SGCZ: variants seen among roughly 807,000 people sequenced by gnomAD.
SGCZ encodes sarcoglycan zeta.
A neutral mutation model predicts 41.3 loss-of-function variants in SGCZ; 40 were observed. The observed-to-expected ratio is 0.97, with a 90% CI of 0.75 to 1.26. SGCZ has a LOEUF of 1.26. Ranked by LOEUF, SGCZ falls within the 50% of genes most tolerant of loss-of-function variation. The pLI is 0.00. For synonymous variants in SGCZ, 206 were observed against 137.5 expected, an observed-to-expected ratio of 1.50 and a Z score of -3.49; for missense variants, 552 against 369.8, an observed-to-expected ratio of 1.49 and a Z score of -4.04.
At chr8:14,797,693 C>A (rs1418609255) in intron 1 of SGCZ, among the ~76,000 whole-genome samples, 1 of 152,186 alleles carries the variant, frequency 6.6e-6, no homozygotes, top group South Asian at 2.1e-4. Context: ...ATGTCAGAGA[C>A]CTTTGTGGCA....
At chr8:14,337,973 C>T (rs1020337260) in intron 2 of SGCZ, among the ~76,000 whole-genome samples, 3 of 152,136 alleles carry the variant, frequency 2.0e-5, no homozygotes, top group African/African-American at 4.8e-5. Flanking sequence ...TAAGGAGATG[C>T]TTAATAACTC....
intron 2 of SGCZ, among the ~76,000 whole-genome samples, chr8:14,508,576 G>C (rs977185228): frequency 6.6e-6 from 1 of 152,032 alleles, no homozygotes; most frequent in Non-Finnish European, 1.5e-5. Flanking sequence ...CCATATCAAT[G>C]GGGAAAATGA....
At chr8:14,377,309 G>A (rs1804167823) in intron 2 of SGCZ, among the ~76,000 whole-genome samples, 1 of 152,036 alleles carries the variant, frequency 6.6e-6, no homozygotes, top group Admixed American at 6.6e-5. Context: ...AGGTTTGGGA[G>A]GGTGGTGTGC....
At chr8:14,547,946 T>C (rs1326231368) in intron 2 of SGCZ, among the ~76,000 whole-genome samples, 1 of 152,218 alleles carries the variant, frequency 6.6e-6, no homozygotes, top group East Asian at 1.9e-4. Flanking sequence ...GATTGTTTTA[T>C]GCTCAACCTT....
chr8:15,168,461 T>TC (rs1369042134), intron 1 of SGCZ, among the ~76,000 whole-genome samples: 84 of 151,722 alleles, frequency 5.5e-4, no homozygotes, highest in Admixed American at 2.0e-3. Flanking sequence ...ATTCTCTAGC[T>TC]CCCCCCACAA....
intron 1 of SGCZ, among the ~76,000 whole-genome samples, chr8:14,689,428 C>T (rs1373284201): frequency 6.6e-6 from 1 of 152,076 alleles, no homozygotes; most frequent in African/African-American, 2.4e-5. Flanking sequence ...AGAAGTAGGA[C>T]TGTGAGAGAT....
chr8:14,478,981 C>T (rs62499729), intron 2 of SGCZ, among the ~76,000 whole-genome samples: 3,624 of 152,278 alleles, frequency 0.024, 102 homozygotes, highest in African/African-American at 0.063. Context: ...CTAATGCCCA[C>T]CCCTCTAACT....
chr8:14,412,880 A>C (rs556236261), intron 2 of SGCZ, among the ~76,000 whole-genome samples: 1 of 152,134 alleles, frequency 6.6e-6, no homozygotes, highest in South Asian at 2.1e-4. Context: ...CAAATAATAA[A>C]TATTTGTCTG....
intron 2 of SGCZ, among the ~76,000 whole-genome samples, chr8:14,342,846 T>C (rs1377885938): frequency 6.6e-6 from 1 of 152,134 alleles, no homozygotes; most frequent in African/African-American, 2.4e-5. Context: ...AAAAATTATC[T>C]CCAGGCCATG....
intron 1 of SGCZ, among the ~76,000 whole-genome samples, chr8:14,975,599 G>T (rs1801441373): frequency 6.6e-6 from 1 of 152,028 alleles, no homozygotes; most frequent in Admixed American, 6.6e-5. Context: ...TCCACTGACA[G>T]ATATTATATG....
chr8:14,253,333 G>A (rs920246131), intron 3 of SGCZ, among the ~76,000 whole-genome samples: 12 of 151,782 alleles, frequency 7.9e-5, no homozygotes, highest in East Asian at 1.9e-4. Flanking sequence ...CAGATCTTAC[G>A]TGAAATCATA....
At chr8:14,925,855 G>A (rs184989086) in intron 1 of SGCZ, among the ~76,000 whole-genome samples, 7 of 134,292 alleles carry the variant, frequency 5.2e-5, no homozygotes, top group African/African-American at 1.8e-4. Context: ...GGGATACCTT[G>A]GGAATTTAGA....
At chr8:14,993,654 A>G (rs923124441) in intron 1 of SGCZ, among the ~76,000 whole-genome samples, 10 of 152,282 alleles carry the variant, frequency 6.6e-5, no homozygotes, top group African/African-American at 2.4e-4. Flanking sequence ...AGGGAGAGAG[A>G]ATTCTAGCCG....
intron 1 of SGCZ, among the ~76,000 whole-genome samples, chr8:15,224,502 C>A (rs1200101684): frequency 6.6e-6 from 1 of 152,108 alleles, no homozygotes; most frequent in African/African-American, 2.4e-5. Context: ...TTGCTACTAC[C>A]ATACGTACCT....
chr8:15,173,786 C>T (rs1020979894), intron 1 of SGCZ, among the ~76,000 whole-genome samples: 1 of 152,134 alleles, frequency 6.6e-6, no homozygotes, highest in Non-Finnish European at 1.5e-5. Flanking sequence ...ACCACCCAGG[C>T]TGAAATGCAG....
At chr8:14,371,562 T>C (rs1021754946) in intron 2 of SGCZ, among the ~76,000 whole-genome samples, 9 of 152,258 alleles carry the variant, frequency 5.9e-5, no homozygotes, top group African/African-American at 1.9e-4. Flanking sequence ...TCTAAGATGA[T>C]CTCTGAATTG....
Position 14,122,447 on chromosome 8 carries a change from G to T in SGCZ, c.548-14212C>A, listed in dbSNP as rs115765899. On this transcript the variant is annotated intron_variant, in intron 5 of 7. Transcript: ENST00000382080. ...ATTTATCCCAAAGAGTTCTTTATGT[G>T]CACAGAGATGTAGCTACAAGGATGT... is the stretch of plus-strand genomic sequence containing the variant. Among the ~76,000 whole-genome samples, 1,220 of 152,240 alleles carry T rather than the reference G, an allele frequency of 8.0e-3. 17 individuals are homozygous for T. Among genetic ancestry groups the T allele is most frequent in the African/African-American group, 0.028 (1,177 of 41,526 alleles).
At chr8:14,264,534 G>A (rs1019549540) in intron 3 of SGCZ, among the ~76,000 whole-genome samples, 1 of 152,080 alleles carries the variant, frequency 6.6e-6, no homozygotes, top group Non-Finnish European at 1.5e-5. Context: ...CTGAACATGG[G>A]GCAACACAAC....
intron 1 of SGCZ, among the ~76,000 whole-genome samples, chr8:14,948,511 T>G (rs1005921626): frequency 8.5e-5 from 13 of 152,116 alleles, no homozygotes; most frequent in African/African-American, 2.9e-4. Context: ...TAGATCAAAC[T>G]ATACTATTAT....
Sources: gnomAD v4.1 joint callset for allele counts (sites outside exome capture counted in the v4.1 genomes callset) on GRCh38, gnomAD v4.1.1 for gene constraint, MANE v1.5 for transcripts, NCBI Gene and HGNC (gene_info 2026-07-23, HGNC 2026-07-21) for gene names.